The following ADCY2 variants were observed in gnomAD, a reference collection of about 807,000 sequenced individuals.
The protein encoded by ADCY2 is adenylate cyclase type 2.
ADCY2 carries 31 observed loss-of-function variants against 125.2 expected under a neutral mutation model. The observed-to-expected ratio is 0.25, with a 90% CI of 0.19 to 0.33. The LOEUF is 0.33. ADCY2 is among the 10% of genes least tolerant of loss of function. The probability of loss-of-function intolerance (pLI) is 1.00; values close to 1 mark genes in which losing one functional copy is unlikely to be tolerated. For missense variants in ADCY2, 904 were observed against 1,418.2 expected (o/e 0.64, Z 5.82); for synonymous variants, 512 against 548.4 (o/e 0.93, Z 0.93).
At chr5:7,781,704 T>C (rs1195668137) in intron 18 of ADCY2, among the ~76,000 whole-genome samples, 1 of 152,162 alleles carries the variant, frequency 6.6e-6, no homozygotes, top group African/African-American at 2.4e-5. Context: ...TACCTCGTTA[T>C]AGCAACTCTA....
intron 3 of ADCY2, among the ~76,000 whole-genome samples, chr5:7,621,921 A>C (rs921153902): frequency 6.6e-6 from 1 of 152,130 alleles, no homozygotes; most frequent in Non-Finnish European, 1.5e-5. Context: ...GCGCATACTC[A>C]ATTTCAAGAC....
intron 4 of ADCY2, among the ~76,000 whole-genome samples, chr5:7,631,818 G>A (rs1738319615): frequency 6.6e-6 from 1 of 152,144 alleles, no homozygotes; most frequent in South Asian, 2.1e-4. Flanking sequence ...TTGAACAGAG[G>A]AGTCTGCAGC....
chr5:7,825,900 C>G (rs1288443855), intron 24 of ADCY2, among the ~76,000 whole-genome samples: 2 of 152,242 alleles, frequency 1.3e-5, no homozygotes, highest in African/African-American at 2.4e-5. Flanking sequence ...CTGTCAGAGC[C>G]AGCAAGTTCA....
chr5:7,522,134 T>TTA (rs1402116051), intron 3 of ADCY2, among the ~76,000 whole-genome samples: 2 of 152,192 alleles, frequency 1.3e-5, no homozygotes, highest in African/African-American at 4.8e-5. Flanking sequence ...TGTTTTATGT[T>TTA]TATTTTATAA....
At chr5:7,658,130 C>T (rs1739403696) in intron 4 of ADCY2, 1 of 152,254 alleles carries the variant, frequency 6.6e-6, no homozygotes, top group Non-Finnish European at 1.5e-5. Flanking sequence ...TTTTACTGAA[C>T]ATGGAGATCT....
At chr5:7,760,841 A>G (rs1743175227) in intron 16 of ADCY2, among the ~76,000 whole-genome samples, 1 of 152,214 alleles carries the variant, frequency 6.6e-6, no homozygotes, top group South Asian at 2.1e-4. Flanking sequence ...TGTGCATTAG[A>G]AATCCAGATG....
chr5:7,727,356 A>T, intron 14 of ADCY2, 95 bp downstream of exon 14: 1 of 1,017,408 alleles, frequency 9.8e-7, no homozygotes, highest in South Asian at 1.5e-5. Flanking sequence ...GCTAATGTTT[A>T]GACAGAGGGG....
At chr5:7,477,465 G>A (rs1378572912) in intron 2 of ADCY2, among the ~76,000 whole-genome samples, 7 of 151,702 alleles carry the variant, frequency 4.6e-5, no homozygotes, top group Non-Finnish European at 1.0e-4. Flanking sequence ...AGAAATAGAG[G>A]AGCTCTTCTC....
intron 3 of ADCY2, among the ~76,000 whole-genome samples, chr5:7,611,574 G>A (rs1737572871): frequency 6.6e-6 from 1 of 152,076 alleles, no homozygotes; most frequent in Non-Finnish European, 1.5e-5. Flanking sequence ...AGGCTTGGAT[G>A]GATTTCTATT....
chr5:7,688,693 C>A (rs992502886), intron 4 of ADCY2, among the ~76,000 whole-genome samples: 2 of 152,090 alleles, frequency 1.3e-5, no homozygotes, highest in African/African-American at 4.8e-5. Context: ...CCAATTATTC[C>A]ATCTATTAAT....
intron 2 of ADCY2, among the ~76,000 whole-genome samples, chr5:7,424,046 C>T (rs907814097): frequency 4.6e-5 from 7 of 152,230 alleles, no homozygotes; most frequent in African/African-American, 1.7e-4. Flanking sequence ...CAAGATTACA[C>T]TTGTACCCCA....
At chr5:7,651,186 C>T (rs1159970759) in intron 4 of ADCY2, among the ~76,000 whole-genome samples, 1 of 152,096 alleles carries the variant, frequency 6.6e-6, no homozygotes. Context: ...GGAAACAATA[C>T]AAAAAAGTGC....
chr5:7,793,459 C>T (rs971669627), intron 20 of ADCY2, among the ~76,000 whole-genome samples: 1 of 152,070 alleles, frequency 6.6e-6, no homozygotes, highest in Non-Finnish European at 1.5e-5. Context: ...TCAACAACAA[C>T]AACAAAAAAG....
At chr5:7,552,170 A>G (rs1400349020) in intron 3 of ADCY2, among the ~76,000 whole-genome samples, 2 of 152,240 alleles carry the variant, frequency 1.3e-5, no homozygotes, top group East Asian at 3.8e-4. Context: ...CCTATCAGGT[A>G]TAGAAAGGGT....
At chr5:7,767,628 A>G (rs1039354394) in intron 17 of ADCY2, among the ~76,000 whole-genome samples, 4 of 152,140 alleles carry the variant, frequency 2.6e-5, no homozygotes, top group African/African-American at 9.7e-5. Flanking sequence ...GAGTGGATTT[A>G]TTTCCTATTC....
chr5:7,708,969 C>T (rs1741351434), intron 9 of ADCY2, among the ~76,000 whole-genome samples: 1 of 152,048 alleles, frequency 6.6e-6, no homozygotes, highest in Admixed American at 6.5e-5. Context: ...AAAAAATGTC[C>T]ATTAACATAT....
intron 1 of ADCY2, among the ~76,000 whole-genome samples, chr5:7,412,447 T>C (rs997769453): frequency 2.0e-5 from 3 of 152,224 alleles, no homozygotes; most frequent in African/African-American, 7.2e-5. Flanking sequence ...TCAGATTTGA[T>C]GTCCTCAGAT....
intron 2 of ADCY2, among the ~76,000 whole-genome samples, chr5:7,480,915 G>A (rs918118620): frequency 9.9e-5 from 15 of 152,080 alleles, no homozygotes; most frequent in African/African-American, 3.6e-4. Flanking sequence ...TCCAAATCTT[G>A]GCTATAGTGG....
At chr5:7,656,054 C>CTTT (rs1272806102) in intron 4 of ADCY2, among the ~76,000 whole-genome samples, 2 of 132,368 alleles carry the variant, frequency 1.5e-5, no homozygotes, top group African/African-American at 2.8e-5. Context: ...TTTTCATTTT[C>CTTT]TTTTTTTTTT....
Sources: allele counts gnomAD v4.1 joint callset (sites outside exome capture counted in the v4.1 genomes callset), GRCh38; gene constraint gnomAD v4.1.1; transcripts MANE v1.5; gene names NCBI Gene and HGNC (gene_info 2026-07-23, HGNC 2026-07-21).